GCGR: variants seen among roughly 807,000 people sequenced by gnomAD.
The protein encoded by GCGR is glucagon receptor.
Under a neutral mutation model 56.1 loss-of-function variants are expected in GCGR, and 41 were observed. The observed-to-expected ratio is 0.73, with a 90% CI of 0.57 to 0.95. The LOEUF is 0.95. Ranked by LOEUF, GCGR falls within the 40% of genes least tolerant of loss-of-function variation. The probability of loss-of-function intolerance (pLI) is 0.00; values close to 1 mark genes in which losing one functional copy is unlikely to be tolerated. For synonymous variants in GCGR, 278 were observed against 271.1 expected, an observed-to-expected ratio of 1.03 and a Z score of -0.25; for missense variants, 595 against 638.2, an observed-to-expected ratio of 0.93 and a Z score of 0.73.
chr17:81,809,426 TCCGTCTGCCTGTCCGTCTGCCTGC>T (rs2038037489), intron 2 of GCGR, among the ~76,000 whole-genome samples: 1 of 137,318 alleles, frequency 7.3e-6, no homozygotes, highest in Admixed American at 7.2e-5. Context: ...TGCCTGCCTG[TCCGTCTGCCTGTCCGTCTGCCTGC>T]CTGCCTGTCT....
chr17:81,809,800 C>G lies in GCGR; in HGVS notation c.79C>G (p.Gln27Glu), dbSNP rs1020960200. 1 of 1,536,458 alleles carries G rather than the reference C, an allele frequency of 6.5e-7. No individual in the cohort carries two copies. The highest frequency in any genetic ancestry group is 1.4e-5 in the African/African-American group (1 of 73,016). ...LACQPQVPSA[Q>E]VMDFLFEKWK... Reference sequence around the variant, plus strand: ...CCCCCAGCCACAGGTCCCCTCCGCTCAGGTGATGGACTTCCTGTTTGAGAA... The same window carrying G: ...CCCCCAGCCACAGGTCCCCTCCGCTGAGGTGATGGACTTCCTGTTTGAGAA... The change falls in exon 3 of 14, where the codon CAG (glutamine) becomes GAG (glutamate). Residue 27 changes from glutamine (Q) to glutamate (E), a missense_variant. By Grantham distance (29) the Gln-to-Glu change is conservative. Transcript: ENST00000400723.
chr17:81,809,654 C>T (rs1047346385), intron 2 of GCGR, 128 bp from the exon 3 acceptor site: 11 of 697,924 alleles, frequency 1.6e-5, no homozygotes, highest in African/African-American at 5.5e-5. Context: ...TGCCTGTCTG[C>T]CTGTCTGTCT....
In GCGR at chr17:81,806,663, G is replaced by T. The variant is rs545062479; in HGVS notation, c.-177-2179G>T. On this transcript the variant is annotated intron_variant, in intron 1 of 13. Coordinates refer to ENST00000400723, the MANE Select transcript of GCGR (RefSeq NM_000160.5). This position sits in a 1 kb window ranked among gnomAD's most constrained non-coding sequence, Gnocchi z 6.5. The stretch of plus-strand genomic sequence containing the variant: ...AGAGTCAACATGACAGGCATCGAAT[G>T]GCTCCTGTTTCTCTGGCAGAGTTGG... Among the ~76,000 whole-genome samples the T allele has an allele frequency of 6.6e-5, 10 of 152,288 alleles. No homozygotes were observed. Among genetic ancestry groups the T allele is most frequent in the Admixed American group, 4.6e-4 (7 of 15,300 alleles).
rs557306878 is a variant in GCGR, at chr17:81,806,072, C to T, written c.-178+1823C>T. Among the ~76,000 whole-genome samples, 15 of 152,220 alleles carry T rather than the reference C, an allele frequency of 9.9e-5. No individual in the cohort carries two copies. The highest frequency in any genetic ancestry group is 5.8e-4 in the East Asian group (3 of 5,170). ...GTCCCCACTTGGGAAGTTAAATCGT[C>T]GTCCCCGTCCCAGGACCACAGCAGC... is the stretch of plus-strand genomic sequence containing the variant. On this transcript the variant is annotated intron_variant, in intron 1 of 13. Transcript: ENST00000400723. The surrounding 1 kb of genome is among the most constrained non-coding windows in gnomAD (Gnocchi z 6.5).
intron 2 of GCGR, among the ~76,000 whole-genome samples, chr17:81,809,519 CTG>C (rs2038043406): frequency 6.8e-6 from 1 of 147,476 alleles, no homozygotes; most frequent in East Asian, 2.0e-4. Context: ...GCCTGTCTGC[CTG>C]CCTGTCTGCC....
rs775595105 is a variant in GCGR, at chr17:81,811,738, C to G, written c.745C>G (p.Leu249Val). 6.5e-7 allele frequency: 1 copy of G among 1,543,748 alleles called. No homozygotes were observed. Among genetic ancestry groups the G allele is most frequent in the South Asian group, 1.2e-5 (1 of 84,432 alleles). ...CTGGCTGCTGGTGGAGGGCCTGTAC[C>G]TGCACAACCTGCTGGGCCTGGCCAC... Reference protein sequence around the residue: ...YCWLLVEGLYLHNLLGLATLP... With the variant: ...YCWLLVEGLYVHNLLGLATLP... The change falls in exon 8 of 14, where the codon CTG becomes GTG. Residue 249 changes from leucine (L) to valine (V), a missense_variant. Coordinates refer to ENST00000400723, the MANE Select transcript of GCGR (RefSeq NM_000160.5). The surrounding 1 kb of genome is among the most constrained non-coding windows in gnomAD (Gnocchi z 5.8).
chr17:81,812,056 T>A lies in GCGR; in HGVS notation c.878+110T>A. The A allele has an allele frequency of 2.0e-6, 3 of 1,503,922 alleles. No homozygotes were observed. The highest frequency in any genetic ancestry group is 2.7e-6 in the Non-Finnish European group (3 of 1,121,402). The allele number at this position is 1,503,922 out of a possible 1,614,324, so 93.2% of individuals were successfully genotyped here. On this transcript the variant is annotated intron_variant, in intron 9 of 13. Coordinates refer to ENST00000400723, the MANE Select transcript of GCGR (RefSeq NM_000160.5). This position sits in a 1 kb window ranked among gnomAD's most constrained non-coding sequence, Gnocchi z 8.5. The stretch of plus-strand genomic sequence containing the variant: ...ATGAGCCTGGTGCCTGGGGAGGGGG[T>A]CATTTGTGACCTTCTCCCTTCCTTT...
rs917647944 is a variant in GCGR, at chr17:81,811,628, C to T, written c.658-23C>T. ...AGCCAGGCAGGTGGCCACGTAGCCG[C>T]GCTCACACTGCACCTGTACCAGGCG... On this transcript the variant is annotated intron_variant, in intron 7 of 13. Coordinates refer to ENST00000400723, the MANE Select transcript of GCGR (RefSeq NM_000160.5). The surrounding 1 kb of genome is among the most constrained non-coding windows in gnomAD (Gnocchi z 5.8). 14 of 1,535,922 alleles carry T rather than the reference C, an allele frequency of 9.1e-6. No homozygotes were observed. The highest frequency in any genetic ancestry group is 6.8e-5 in the African/African-American group (5 of 73,054).
Position 81,811,849 on chromosome 17 carries a change from A to T in GCGR, c.818-37A>T. ...CATGAGAGGGGGTTAAGGCAGGCTG[A>T]CCAAGCCTTTGGGACCACAGCTGCT... On this transcript the variant is annotated intron_variant, in intron 8 of 13. Coordinates refer to ENST00000400723, the MANE Select transcript of GCGR (RefSeq NM_000160.5). This position sits in a 1 kb window ranked among gnomAD's most constrained non-coding sequence, Gnocchi z 5.8. The T allele has an allele frequency of 1.3e-6, 2 of 1,536,950 alleles. No homozygotes were observed. Among genetic ancestry groups the T allele is most frequent in the Non-Finnish European group, 1.7e-6 (2 of 1,146,864 alleles).
chr17:81,812,114 G>A lies in GCGR; in HGVS notation c.879-69G>A, dbSNP rs1338995544. 6.6e-7 allele frequency: 1 copy of A among 1,526,042 alleles called. No individual in the cohort carries two copies. Among genetic ancestry groups the A allele is most frequent in the Admixed American group, 2.0e-5 (1 of 50,846 alleles). The allele number at this position is 1,526,042 out of a possible 1,614,324, so 94.5% of individuals were successfully genotyped here. ...CCCGAATTAGATCCTGGCAAAATCG[G>A]GACGGGGGTGCTGAGGGGCGGAGGG... On this transcript the variant is annotated intron_variant, in intron 9 of 13. Transcript: ENST00000400723. The surrounding 1 kb of genome is among the most constrained non-coding windows in gnomAD (Gnocchi z 8.5).
chr17:81,806,785 T>TCCCCC lies in GCGR; in HGVS notation c.-177-2053_-177-2049dup, dbSNP rs368616783. Among the ~76,000 whole-genome samples, 10 of 143,596 alleles carry TCCCCC rather than the reference T, an allele frequency of 7.0e-5. No homozygotes were observed. The highest frequency in any genetic ancestry group is 1.5e-4 in the African/African-American group (6 of 38,778). The allele number at this position is 143,596 out of a possible 152,430, so 94.2% of individuals were successfully genotyped here. ...GTCCTCCCCCCAGGGTGAGCACGCG[T>TCCCCC]CCCCCCCCACCCCCACTTCGAGGCG... On this transcript the variant is annotated intron_variant, in intron 1 of 13. Coordinates refer to ENST00000400723, the MANE Select transcript of GCGR (RefSeq NM_000160.5). This position sits in a 1 kb window ranked among gnomAD's most constrained non-coding sequence, Gnocchi z 6.5.
chr17:81,809,522 CCTGTCTGCCTGT>C (rs1568250667), intron 2 of GCGR, among the ~76,000 whole-genome samples: 2 of 120,356 alleles, frequency 1.7e-5, no homozygotes, highest in Admixed American at 1.8e-4. Context: ...TGTCTGCCTG[CCTGTCTGCCTGT>C]CTGCCCGTCT....
Position 81,812,010 on chromosome 17 carries a change from T to C in GCGR, c.878+64T>C. 2 of 1,528,310 alleles carry C rather than the reference T, an allele frequency of 1.3e-6. No homozygotes were observed. Among genetic ancestry groups the C allele is most frequent in the South Asian group, 2.4e-5 (2 of 83,834 alleles). 94.7% of individuals were successfully genotyped at this position (1,528,310 alleles called of 1,614,324 possible). ...GGGGCTGGGGTGCGGCGCTCTGGCC[T>C]GAGGCAGGGAGGGGCCGGGGATGAG... On this transcript the variant is annotated intron_variant, in intron 9 of 13. Transcript: ENST00000400723. This position sits in a 1 kb window ranked among gnomAD's most constrained non-coding sequence, Gnocchi z 8.5.
Position 81,813,201 on chromosome 17 carries a change from G to C in GCGR, c.1218+144G>C. On this transcript the variant is annotated intron_variant, in intron 13 of 13. Transcript: ENST00000400723. This position sits in a 1 kb window ranked among gnomAD's most constrained non-coding sequence, Gnocchi z 5.3. The stretch of plus-strand genomic sequence containing the variant: ...GCCTTTCCCTCCCCCTGCTCTTATT[G>C]GGTGCAGTTGCCATGGCGCTGGGTG... 1 of 1,320,886 alleles carries C rather than the reference G, an allele frequency of 7.6e-7. No homozygotes were observed. Among genetic ancestry groups the C allele is most frequent in the Non-Finnish European group, 1.0e-6 (1 of 954,770 alleles). The allele number at this position is 1,320,886 out of a possible 1,614,324, so 81.8% of individuals were successfully genotyped here.
rs954105221 is a variant in GCGR, at chr17:81,812,631, G to A, written c.1003G>A (p.Ala335Thr). The A allele has an allele frequency of 9.1e-6, 14 of 1,536,292 alleles. No individual in the cohort carries two copies. The highest frequency in any genetic ancestry group is 1.1e-5 in the Non-Finnish European group (13 of 1,146,782). ...TCAGCTGCTCGTGGCCAAGCTGCGG[G>A]CACGGCAGATGCACCACACAGACTA... ...IVQLLVAKLR[A>T]RQMHHTDYKF... Residue 335 changes from alanine (A) to threonine (T), a missense_variant, in exon 11 of 14, where the codon GCA becomes ACA. By Grantham distance (58) the Ala-to-Thr change is moderately conservative. Transcript: ENST00000400723. This position sits in a 1 kb window ranked among gnomAD's most constrained non-coding sequence, Gnocchi z 8.5.
chr17:81,805,687 A>C (rs1035521057), intron 1 of GCGR, among the ~76,000 whole-genome samples: 1 of 150,730 alleles, frequency 6.6e-6, no homozygotes, highest in East Asian at 2.0e-4. Flanking sequence ...CACCTCGGGA[A>C]CCCCCCCTAT....
chr17:81,810,949 G>C lies in GCGR; in HGVS notation c.271+17G>C. 1.3e-6 allele frequency: 2 copies of C among 1,534,006 alleles called. No individual in the cohort carries two copies. Among genetic ancestry groups the C allele is most frequent in the Non-Finnish European group, 1.7e-6 (2 of 1,144,962 alleles). ...ACCACAAAGGTACCCATAGAGGGGAGGAACTGTGGGGGGGGCGGGCCCAGG... is the reference window on the plus strand; with the variant it reads ...ACCACAAAGGTACCCATAGAGGGGACGAACTGTGGGGGGGGCGGGCCCAGG... On this transcript the variant is annotated intron_variant, in intron 4 of 13. Transcript: ENST00000400723. The surrounding 1 kb of genome is among the most constrained non-coding windows in gnomAD (Gnocchi z 4.6).
rs2038068417 is a variant in GCGR, at chr17:81,810,409, G to A, written c.164-416G>A. The A allele has an allele frequency of 3.0e-6, 1 of 338,522 alleles. No individual in the cohort carries two copies. Among genetic ancestry groups the A allele is most frequent in the Non-Finnish European group, 5.6e-6 (1 of 177,066 alleles). 21.0% of individuals were successfully genotyped at this position (338,522 alleles called of 1,614,324 possible). On this transcript the variant is annotated intron_variant, in intron 3 of 13. Coordinates refer to ENST00000400723, the MANE Select transcript of GCGR (RefSeq NM_000160.5). This position sits in a 1 kb window ranked among gnomAD's most constrained non-coding sequence, Gnocchi z 4.6. Reference sequence around the variant, plus strand: ...CCTCCATTGGGCAGAGGGAGCAGATGTGGCAGCCACAGGTTTGGCGATGCA... The same window carrying A: ...CCTCCATTGGGCAGAGGGAGCAGATATGGCAGCCACAGGTTTGGCGATGCA...
At position 81,806,159 on chromosome 17, in the gene GCGR, C is replaced by G. The variant is rs994640879; in HGVS notation, c.-178+1910C>G. Reference sequence around the variant, plus strand: ...TGCTCAGCTGGAAATTGGTCCCCCCCCGGCTCCACCCACCCCTGTTGGGGT... The same window carrying G: ...TGCTCAGCTGGAAATTGGTCCCCCCGCGGCTCCACCCACCCCTGTTGGGGT... On this transcript the variant is annotated intron_variant, in intron 1 of 13. Coordinates refer to ENST00000400723, the MANE Select transcript of GCGR (RefSeq NM_000160.5). The surrounding 1 kb of genome is among the most constrained non-coding windows in gnomAD (Gnocchi z 6.5). Among the ~76,000 whole-genome samples the G allele has an allele frequency of 3.9e-5, 6 of 152,162 alleles. No individual in the cohort carries two copies. The highest frequency in any genetic ancestry group is 1.4e-4 in the African/African-American group (6 of 41,420).
Sources: gnomAD v4.1 joint callset for allele counts (sites outside exome capture counted in the v4.1 genomes callset) on GRCh38, gnomAD v4.1.1 for gene constraint, Gnocchi (gnomAD v3.1) non-coding constraint, MANE v1.5 for transcripts, NCBI Gene and HGNC (gene_info 2026-07-23, HGNC 2026-07-21) for gene names.